RYR2: variants seen among roughly 807,000 people sequenced by gnomAD.
RYR2 encodes ryanodine receptor 2, also known as cardiac muscle ryanodine receptor-calcium release channel.
A neutral mutation model predicts 601.1 loss-of-function variants in RYR2; 227 were observed. The observed-to-expected ratio is 0.38, with a 90% confidence interval of 0.34 to 0.42. RYR2 has a LOEUF of 0.42. Ranked by LOEUF, RYR2 falls within the 10% of genes least tolerant of loss-of-function variation. The pLI is 1.00. For missense variants in RYR2, 4,646 were observed against 6,156.5 expected, an observed-to-expected ratio of 0.75 and a Z score of 8.21; for synonymous variants, 2,223 against 2,175.1, an observed-to-expected ratio of 1.02 and a Z score of -0.61.
At chr1:237,509,977 A>G (rs1665717540) in intron 23 of RYR2, among the ~76,000 whole-genome samples, 1 of 152,214 alleles carries the variant, frequency 6.6e-6, no homozygotes. Context: ...AAGAGGTGAG[A>G]AGCCAGGCCA....
chr1:237,333,083 A>G (rs1696907169), intron 3 of RYR2, among the ~76,000 whole-genome samples: 1 of 152,232 alleles, frequency 6.6e-6, no homozygotes, highest in Non-Finnish European at 1.5e-5. Flanking sequence ...TTCACTCTCT[A>G]GAATGTCTCC....
At chr1:237,654,534 A>AT (rs781474258) in intron 52 of RYR2, 120 bp downstream of exon 52, 52 of 937,034 alleles carry the variant, frequency 5.5e-5, no homozygotes, top group Non-Finnish European at 6.6e-5. Context: ...GTATGGCTTG[A>AT]TTTTTTCTCT....
intron 11 of RYR2, among the ~76,000 whole-genome samples, chr1:237,418,386 T>C (rs1038454101): frequency 3.3e-5 from 5 of 152,194 alleles, no homozygotes; most frequent in African/African-American, 1.2e-4. Context: ...GATTATTGCC[T>C]GTCTAATGGT....
At chr1:237,786,608 C>T (rs7516815) in intron 91 of RYR2, among the ~76,000 whole-genome samples, 5,837 of 151,934 alleles carry the variant, frequency 0.038, 348 homozygotes, top group African/African-American at 0.13. Flanking sequence ...CTGGGATCAA[C>T]GCAGCAATAA....
intron 82 of RYR2, among the ~76,000 whole-genome samples, chr1:237,758,522 C>T (rs1693145602): frequency 6.6e-6 from 1 of 152,192 alleles, no homozygotes; most frequent in African/African-American, 2.4e-5. Flanking sequence ...ATCATACCTA[C>T]ACTACGTGTA....
rs1323880264 is a variant in RYR2 at position 237,341,580 on chromosome 1, T to A, written c.273+10598T>A. On this transcript the variant is annotated intron_variant, in intron 3 of 104. Transcript: ENST00000366574. The stretch of plus-strand genomic sequence containing the variant: ...AGTGTAAATCTCAGGAATGCAGGTC[T>A]TTGGGTCTGTGGTATTCGCTTGCTA... 1.2e-5 allele frequency: 6 copies of A among 499,078 alleles called. No individual in the cohort carries two copies. In the East Asian group the frequency reaches 3.4e-4, roughly 28 times the overall value. 30.9% of individuals were successfully genotyped at this position (499,078 alleles called of 1,614,324 possible). A position where few individuals can be genotyped will look rare whatever the true frequency, so the allele number is the denominator to read the frequency against.
chr1:237,628,356 G>T (rs1294308108), intron 41 of RYR2, among the ~76,000 whole-genome samples: 1 of 149,852 alleles, frequency 6.7e-6, no homozygotes, highest in Non-Finnish European at 1.5e-5. Flanking sequence ...ATCTCCTAAT[G>T]CTATCCCTCC....
intron 10 of RYR2, among the ~76,000 whole-genome samples, chr1:237,413,296 C>A (rs1287018814): frequency 6.6e-6 from 1 of 152,074 alleles, no homozygotes; most frequent in Non-Finnish European, 1.5e-5. Flanking sequence ...GGCACAAGAA[C>A]CTTCAAGATA....
intron 34 of RYR2, among the ~76,000 whole-genome samples, chr1:237,595,979 T>G (rs1675854557): frequency 6.6e-6 from 1 of 152,060 alleles, no homozygotes; most frequent in South Asian, 2.1e-4. Flanking sequence ...GATACTACAC[T>G]ACCGCATCCA....
intron 35 of RYR2, among the ~76,000 whole-genome samples, chr1:237,609,527 T>C (rs1305708503): frequency 5.3e-5 from 8 of 151,862 alleles, no homozygotes; most frequent in Admixed American, 5.2e-4. Flanking sequence ...ATGCCACCAT[T>C]TTTGTTTTTT....
chr1:237,696,364 T>C (rs1363515572), intron 63 of RYR2, among the ~76,000 whole-genome samples: 2 of 152,154 alleles, frequency 1.3e-5, no homozygotes, highest in Admixed American at 1.3e-4. Context: ...CCATTGTCTA[T>C]ACTGCATCTT....
intron 100 of RYR2, among the ~76,000 whole-genome samples, chr1:237,815,885 C>T (rs1349416458): frequency 2.0e-5 from 3 of 152,136 alleles, no homozygotes; most frequent in Non-Finnish European, 2.9e-5. Context: ...ACATTCTCTT[C>T]CCTAGACAAA....
At chr1:237,127,761 A>G (rs2148682807) in intron 1 of RYR2, among the ~76,000 whole-genome samples, 1 of 149,240 alleles carries the variant, frequency 6.7e-6, no homozygotes, top group South Asian at 2.1e-4. Flanking sequence ...GGCGGGGCAG[A>G]GGCGCTCCTC....
chr1:237,473,253 G>A (rs1454893457), intron 17 of RYR2, among the ~76,000 whole-genome samples: 1 of 151,768 alleles, frequency 6.6e-6, no homozygotes, highest in Non-Finnish European at 1.5e-5. Flanking sequence ...ATGAAACCCT[G>A]TCTCTACTAA....
chr1:237,208,985 TG>T (rs1345625983), intron 1 of RYR2, among the ~76,000 whole-genome samples: 1 of 119,072 alleles, frequency 8.4e-6, no homozygotes, highest in Non-Finnish European at 1.7e-5. Context: ...TATATATATA[TG>T]TATACTGTAA....
chr1:237,528,201 G>T (rs943190187), intron 24 of RYR2, among the ~76,000 whole-genome samples: 6 of 152,150 alleles, frequency 3.9e-5, no homozygotes, highest in Non-Finnish European at 7.4e-5. Context: ...GAAAAATACT[G>T]TATACTGAAG....
rs894061957 is a variant in RYR2 at position 237,422,998 on chromosome 1, A to G, written c.849-94A>G. 6 of 1,395,924 alleles carry G rather than the reference A, an allele frequency of 4.3e-6. No individual in the cohort carries two copies. The Admixed American group carries it at 1.4e-4, about 32-fold the overall frequency. The allele number at this position is 1,395,924 out of a possible 1,614,324, so 86.5% of individuals were successfully genotyped here. ...AGTTTTTTGAGAACATTAAGACAAT[A>G]TATATGACTGTTCATTGTCCGACAT... is the stretch of plus-strand genomic sequence containing the variant. On this transcript the variant is annotated intron_variant, in intron 11 of 104. Transcript: ENST00000366574.
chr1:237,641,471 G>GTCTGTCTTTCTTTCTT (rs1260670992), intron 47 of RYR2, among the ~76,000 whole-genome samples: 41 of 108,690 alleles, frequency 3.8e-4, no homozygotes, highest in African/African-American at 1.1e-3. Context: ...GTGTCTGTCT[G>GTCTGTCTTTCTTTCTT]TCTTTCTTTC....
rs766261818 is a variant in RYR2 at position 237,830,595 on chromosome 1, C to T, written c.14721C>T (p.Thr4907=). 1.2e-5 allele frequency: 19 copies of T among 1,609,490 alleles called. No individual in the cohort carries two copies. Among genetic ancestry groups the T allele is most frequent in the Non-Finnish European group, 1.6e-5 (19 of 1,176,128 alleles). The change falls in exon 103 of 105, where the codon ACC becomes ACT. Residue 4907 remains threonine, a synonymous_variant. Transcript: ENST00000366574. The part of the protein sequence containing the change: ...YFDTVPHGFE[T]HTLQEHNLAN... Reference sequence around the variant, plus strand: ...ACACAGTGCCACATGGCTTTGAAACCCACACTTTACAGGAGCACAACTTGG... The same window carrying T: ...ACACAGTGCCACATGGCTTTGAAACTCACACTTTACAGGAGCACAACTTGG...
Sources: gnomAD v4.1 joint callset for allele counts (sites outside exome capture counted in the v4.1 genomes callset) on GRCh38, gnomAD v4.1.1 for gene constraint, MANE v1.5 for transcripts, NCBI Gene and HGNC (gene_info 2026-07-23, HGNC 2026-07-21) for gene names.